The following GRIN3A variants were observed in gnomAD, a reference collection of about 807,000 sequenced individuals.
The protein encoded by GRIN3A is glutamate receptor ionotropic, NMDA 3A.
A neutral mutation model predicts 92.4 loss-of-function variants in GRIN3A; 47 were observed. The ratio of observed to expected loss-of-function variants is 0.51; its 90% CI spans 0.40 to 0.65. GRIN3A has a LOEUF of 0.65. GRIN3A is among the 30% of genes least tolerant of loss of function. The pLI is 0.00. For missense variants in GRIN3A, 1,324 were observed against 1,393.1 expected (o/e 0.95, Z 0.79); for synonymous variants, 527 against 540.6 (o/e 0.97, Z 0.35).
At chr9:101,573,646 G>T (rs1827790530) in intron 8 of GRIN3A, 133 bp from the exon 9 acceptor site, 8 of 742,394 alleles carry the variant, frequency 1.1e-5, no homozygotes, top group South Asian at 1.1e-4. Context: ...CAAAGCCATG[G>T]ACAGACTACC....
intron 3 of GRIN3A, among the ~76,000 whole-genome samples, chr9:101,643,654 GTCTC>G (rs74810886): frequency 0.34 from 49,258 of 146,896 alleles, 8,341 homozygotes; most frequent in East Asian, 0.44. Context: ...CAACCTAAAT[GTCTC>G]TCTCTCTCTC....
rs192388853 is a variant in GRIN3A at position 101,708,636 on chromosome 9, G to T, written c.700-21436C>A. On this transcript the variant is annotated intron_variant, in intron 1 of 8. Coordinates refer to ENST00000361820, the MANE Select transcript of GRIN3A (RefSeq NM_133445.3). ...AGAAGTATGGTAATGGGTCATTTTG[G>T]CTAAGAGATCCAGAATTAAATTTAT... is the stretch of plus-strand genomic sequence containing the variant. 1.7e-3 allele frequency among the ~76,000 whole-genome samples: 261 copies of T among 152,206 alleles called. 2 individuals carry two copies. Among genetic ancestry groups the T allele is most frequent in the African/African-American group, 5.9e-3 (246 of 41,536 alleles).
At chr9:101,595,012 G>T in intron 6 of GRIN3A, 1 of 1,483,684 alleles carries the variant, frequency 6.7e-7, no homozygotes, top group African/African-American at 1.4e-5. Context: ...GGACGGTTGG[G>T]CCATGGGGTG....
intron 1 of GRIN3A, among the ~76,000 whole-genome samples, chr9:101,730,285 C>G (rs1830122872): frequency 6.6e-6 from 1 of 152,092 alleles, no homozygotes. Context: ...AGCTGGAAGT[C>G]CTAAGCCTGA....
intron 1 of GRIN3A, among the ~76,000 whole-genome samples, chr9:101,736,382 T>A (rs12340365): frequency 6.6e-6 from 1 of 152,168 alleles, no homozygotes; most frequent in Non-Finnish European, 1.5e-5. Context: ...TCTGTCTTGT[T>A]CTTAAAGATT....
At chr9:101,651,636 T>TTG (rs57126529) in intron 3 of GRIN3A, among the ~76,000 whole-genome samples, 7,453 of 145,648 alleles carry the variant, frequency 0.051, 193 homozygotes, top group Middle Eastern at 0.072. Flanking sequence ...AATAAATCCA[T>TTG]TGTGTGTGTG....
Position 101,614,609 on chromosome 9 carries a change from C to CTTT in GRIN3A, c.2615-1085_2615-1083dup, listed in dbSNP as rs754003481. 9.7e-3 allele frequency among the ~76,000 whole-genome samples: 808 copies of CTTT among 83,080 alleles called. 103 individuals are homozygous for CTTT. Among genetic ancestry groups the CTTT allele is most frequent in the African/African-American group, 0.019 (358 of 19,076 alleles). The allele number at this position is 83,080 out of a possible 152,430, so 54.5% of individuals were successfully genotyped here. On this transcript the variant is annotated intron_variant, in intron 5 of 8. Transcript: ENST00000361820. ...CATATATATGCATATATATGTGATA[C>CTTT]TTTTTTTTTTTTTTTTTTTTTTTTT...
intron 5 of GRIN3A, among the ~76,000 whole-genome samples, chr9:101,621,539 A>T (rs1828556146): frequency 6.6e-6 from 1 of 152,016 alleles, no homozygotes; most frequent in South Asian, 2.1e-4. Flanking sequence ...CAGTATTTCT[A>T]CTCTCTTGCA....
chr9:101,697,696 CTT>C (rs1829701096), intron 1 of GRIN3A, among the ~76,000 whole-genome samples: 1 of 152,158 alleles, frequency 6.6e-6, no homozygotes, highest in African/African-American at 2.4e-5. Context: ...GCACTTATGA[CTT>C]TGTCATTTGG....
chr9:101,703,443 C>T (rs1004844532), intron 1 of GRIN3A, among the ~76,000 whole-genome samples: 1 of 152,224 alleles, frequency 6.6e-6, no homozygotes, highest in Non-Finnish European at 1.5e-5. Flanking sequence ...CTCCTCACAG[C>T]ACCACCCACC....
intron 3 of GRIN3A, among the ~76,000 whole-genome samples, chr9:101,647,532 C>A (rs1169444379): frequency 6.6e-6 from 1 of 151,498 alleles, no homozygotes; most frequent in East Asian, 1.9e-4. Flanking sequence ...GGAATTATTT[C>A]CTTCTCTTCA....
chr9:101,612,341 G>A (rs1410086549), intron 6 of GRIN3A, among the ~76,000 whole-genome samples: 1 of 152,202 alleles, frequency 6.6e-6, no homozygotes, highest in Admixed American at 6.5e-5. Flanking sequence ...TCCAGAATGA[G>A]TAACTAGATG....
Position 101,703,802 on chromosome 9 carries a change from T to G in GRIN3A, c.700-16602A>C, listed in dbSNP as rs149813433. Among the ~76,000 whole-genome samples, 879 of 152,264 alleles carry G rather than the reference T, an allele frequency of 5.8e-3. 9 individuals carry two copies. Among genetic ancestry groups the G allele is most frequent in the African/African-American group, 0.02 (846 of 41,552 alleles). On this transcript the variant is annotated intron_variant, in intron 1 of 8. Transcript: ENST00000361820. The stretch of plus-strand genomic sequence containing the variant: ...ATTATTTATTATCGTTACTCTGGGG[T>G]TTATTATTAATTCGTTTTGGCTGAC...
At chr9:101,596,565 A>C (rs1828136259) in intron 6 of GRIN3A, among the ~76,000 whole-genome samples, 2 of 152,174 alleles carry the variant, frequency 1.3e-5, no homozygotes, top group Admixed American at 1.3e-4. Context: ...TCTGGGGGAA[A>C]TATCCAGGCC....
chr9:101,709,535 C>T (rs772682417), intron 1 of GRIN3A, among the ~76,000 whole-genome samples: 1 of 152,160 alleles, frequency 6.6e-6, no homozygotes, highest in African/African-American at 2.4e-5. Flanking sequence ...TCAGAAGGAC[C>T]TCTGCATCTG....
intron 6 of GRIN3A, chr9:101,594,781 C>T: frequency 1.2e-6 from 2 of 1,613,822 alleles, no homozygotes; most frequent in Non-Finnish European, 1.7e-6. Flanking sequence ...GGCGCAGCTC[C>T]GGCAGGGACA....
At chr9:101,704,195 T>G (rs1195713347) in intron 1 of GRIN3A, among the ~76,000 whole-genome samples, 3 of 152,186 alleles carry the variant, frequency 2.0e-5, no homozygotes, top group African/African-American at 7.2e-5. Context: ...TACTGCAAAA[T>G]TGGATATCCT....
chr9:101,579,051 T>C, intron 7 of GRIN3A, 145 bp downstream of exon 7: 1 of 784,854 alleles, frequency 1.3e-6, no homozygotes, highest in South Asian at 1.5e-5. Context: ...ATAGAGAGAA[T>C]TCCTTCTGCT....
intron 1 of GRIN3A, among the ~76,000 whole-genome samples, chr9:101,723,956 C>A (rs1482054748): frequency 1.3e-5 from 2 of 152,094 alleles, no homozygotes; most frequent in Non-Finnish European, 2.9e-5. Context: ...AAACCCTGAG[C>A]TAGACACGGG....
Sources: allele counts gnomAD v4.1 joint callset (sites outside exome capture counted in the v4.1 genomes callset), GRCh38; gene constraint gnomAD v4.1.1; transcripts MANE v1.5; gene names NCBI Gene and HGNC (gene_info 2026-07-23, HGNC 2026-07-21).